The following MED30 variants were observed in gnomAD, a reference collection of about 807,000 sequenced individuals.
MED30 encodes the protein mediator of RNA polymerase II transcription subunit 30.
MED30 carries 8 observed loss-of-function variants against 21.7 expected under a neutral mutation model. The ratio of observed to expected loss-of-function variants is 0.37; its 90% CI spans 0.22 to 0.67. The LOEUF (loss-of-function observed/expected upper bound fraction) is 0.67. MED30 is among the 30% of genes least tolerant of loss of function. The pLI is 0.58. For synonymous variants in MED30, 79 were observed against 86.7 expected, an observed-to-expected ratio of 0.91 and a Z score of 0.49; for missense variants, 203 against 228.2, an observed-to-expected ratio of 0.89 and a Z score of 0.71.
chr8:117,528,958 G>A lies in MED30; in HGVS notation c.336+149G>A. ...ACTTTTGACCAGAGAAGATGAAAAT[G>A]TGATATATATGCATAAAATACTACT... On this transcript the variant is annotated intron_variant, in intron 2 of 3. Transcript: ENST00000297347. 4 of 518,890 alleles carry A rather than the reference G, an allele frequency of 7.7e-6. No individual in the cohort carries two copies. The Middle Eastern group carries it at 2.1e-3, about 271-fold the overall frequency. The allele number at this position is 518,890 out of a possible 1,614,324, so 32.1% of individuals were successfully genotyped here. A position where few individuals can be genotyped will look rare whatever the true frequency, so the allele number is the denominator to read the frequency against.
chr8:117,529,699 A>C (rs552945599), intron 2 of MED30, among the ~76,000 whole-genome samples: 1 of 152,074 alleles, frequency 6.6e-6, no homozygotes, highest in African/African-American at 2.4e-5. Context: ...GGAGAGATGG[A>C]ATCGAAGGTT....
intron 3 of MED30, among the ~76,000 whole-genome samples, chr8:117,539,598 A>G (rs1263543746): frequency 1.3e-5 from 2 of 152,190 alleles, no homozygotes; most frequent in Non-Finnish European, 2.9e-5. Context: ...TAACAAATAA[A>G]TGTTTAGCTG....
chr8:117,528,229 T>C (rs971433017), intron 1 of MED30, among the ~76,000 whole-genome samples: 2 of 151,922 alleles, frequency 1.3e-5, no homozygotes, highest in Non-Finnish European at 2.9e-5. Context: ...CAGCCATATA[T>C]TCTTCATTTT....
At chr8:117,522,036 G>T (rs1276732904) in intron 1 of MED30, among the ~76,000 whole-genome samples, 1 of 152,234 alleles carries the variant, frequency 6.6e-6, no homozygotes, top group Admixed American at 6.5e-5. Flanking sequence ...TAGTGGGAAT[G>T]TAAACATTGC....
intron 1 of MED30, among the ~76,000 whole-genome samples, chr8:117,523,032 G>T (rs1055170747): frequency 2.0e-5 from 3 of 151,966 alleles, no homozygotes; most frequent in Non-Finnish European, 2.9e-5. Context: ...CATCACACAC[G>T]ACTAATAGCT....
chr8:117,530,669 A>G, intron 2 of MED30, 54 bp from the exon 3 acceptor site: 1 of 1,275,816 alleles, frequency 7.8e-7, no homozygotes, highest in Non-Finnish European at 1.1e-6. Context: ...TATACAAGTG[A>G]TTAGAAAACT....
chr8:117,535,547 C>G (rs937771717), intron 3 of MED30, among the ~76,000 whole-genome samples: 1 of 149,962 alleles, frequency 6.7e-6, no homozygotes, highest in Non-Finnish European at 1.5e-5. Flanking sequence ...TTTTTTTTTT[C>G]CGTAATGGCA....
chr8:117,534,853 T>TTTTTTTG (rs1404845169), intron 3 of MED30, among the ~76,000 whole-genome samples: 4 of 149,408 alleles, frequency 2.7e-5, no homozygotes, highest in East Asian at 3.9e-4. Context: ...ACAAATTGTT[T>TTTTTTTG]TTTTTTTTTT....
At chr8:117,532,904 CTTA>C (rs1204357184) in intron 3 of MED30, among the ~76,000 whole-genome samples, 1 of 151,944 alleles carries the variant, frequency 6.6e-6, no homozygotes, top group African/African-American at 2.4e-5. Flanking sequence ...GAGACATTCA[CTTA>C]TTAAGACGTG....
chr8:117,523,452 C>G, intron 1 of MED30: 1 of 1,577,228 alleles, frequency 6.3e-7, no homozygotes, highest in South Asian at 1.1e-5. Flanking sequence ...TAGGCTGAGG[C>G]CTGCCAGTCT....
At chr8:117,522,982 G>A (rs1253888496) in intron 1 of MED30, among the ~76,000 whole-genome samples, 1 of 152,034 alleles carries the variant, frequency 6.6e-6, no homozygotes, top group South Asian at 2.1e-4. Flanking sequence ...TTACAGTAAA[G>A]GAAACTGAGG....
chr8:117,525,372 C>T, intron 1 of MED30, among the ~76,000 whole-genome samples: 1 of 149,630 alleles, frequency 6.7e-6, no homozygotes, highest in Non-Finnish European at 1.5e-5. Flanking sequence ...TTTTTACCTA[C>T]CTTAATTGTA....
At chr8:117,532,433 C>G (rs1267176530) in intron 3 of MED30, among the ~76,000 whole-genome samples, 1 of 151,838 alleles carries the variant, frequency 6.6e-6, no homozygotes, top group Non-Finnish European at 1.5e-5. Flanking sequence ...ATAATACTGG[C>G]ACAAGAATAG....
At chr8:117,538,721 A>G (rs188995588) in intron 3 of MED30, among the ~76,000 whole-genome samples, 36 of 152,324 alleles carry the variant, frequency 2.4e-4, no homozygotes, top group Non-Finnish European at 4.1e-4. Flanking sequence ...GACATTTACC[A>G]CATAGGATTT....
At chr8:117,539,387 G>A (rs530056676) in intron 3 of MED30, among the ~76,000 whole-genome samples, 9 of 152,090 alleles carry the variant, frequency 5.9e-5, no homozygotes, top group Non-Finnish European at 1.3e-4. Flanking sequence ...CTACTCAGGA[G>A]GCTGAAGCAG....
At position 117,539,882 on chromosome 8, in the gene MED30, G is replaced by A. The variant is rs1258778217; in HGVS notation, c.442-1G>A. On this transcript the variant is annotated splice_acceptor_variant, in intron 3 of 3. Transcript: ENST00000297347. LOFTEE classifies it high-confidence loss of function. Reference sequence around the variant, plus strand: ...TTTGATAAATTCTTTTGTTTCTACAGAAACTCAAACAGAAGAATCAACAGC... The same window carrying A: ...TTTGATAAATTCTTTTGTTTCTACAAAAACTCAAACAGAAGAATCAACAGC... 6.3e-7 allele frequency: 1 copy of A among 1,582,388 alleles called. No individual in the cohort carries two copies. The highest frequency in any genetic ancestry group is 1.1e-5 in the South Asian group (1 of 89,042).
At chr8:117,523,138 TC>T in intron 1 of MED30, 1 of 600,214 alleles carries the variant, frequency 1.7e-6, no homozygotes, top group Non-Finnish European at 2.9e-6. Context: ...CTAAACTTTT[TC>T]AAAAAAAGTA....
intron 3 of MED30, among the ~76,000 whole-genome samples, chr8:117,535,360 C>CTGGGG (rs1818858520): frequency 6.6e-6 from 1 of 150,804 alleles, no homozygotes; most frequent in African/African-American, 2.4e-5. Context: ...TCCTGAGTAG[C>CTGGGG]TGGGGTTACA....
intron 2 of MED30, 187 bp from the exon 3 acceptor site, chr8:117,530,536 G>A (rs1818778940): frequency 2.4e-6 from 1 of 417,486 alleles, no homozygotes; most frequent in Non-Finnish European, 4.2e-6. Flanking sequence ...ACCTGAAAGG[G>A]TAATGCATAG....
Sources: allele counts gnomAD v4.1 joint callset (sites outside exome capture counted in the v4.1 genomes callset), GRCh38; gene constraint gnomAD v4.1.1; transcripts MANE v1.5; gene names NCBI Gene and HGNC (gene_info 2026-07-23, HGNC 2026-07-21).